Variants in FHIT observed in about 807,000 individuals in gnomAD.
FHIT encodes the protein fragile histidine triad diadenosine triphosphatase, also known as bis(5'-adenosyl)-triphosphatase.
A neutral mutation model predicts 17.9 loss-of-function variants in FHIT; 19 were observed. The observed-to-expected ratio is 1.06, with a 90% CI of 0.74 to 1.56. FHIT has a LOEUF of 1.56. Among genes scored for constraint, FHIT ranks in the 40% most tolerant of loss-of-function variants. The pLI, the probability that FHIT is intolerant of heterozygous loss-of-function variation, is 0.00. For missense variants in FHIT, 248 were observed against 189.2 expected (o/e 1.31, Z -1.82); for synonymous variants, 81 against 69.7 (o/e 1.16, Z -0.81).
intron 4 of FHIT, chr3:60,732,403 A>G: frequency 1.3e-6 from 1 of 764,788 alleles, no homozygotes; most frequent in Non-Finnish European, 2.4e-6. Flanking sequence ...TTCTACCTGT[A>G]GATGGACTTG....
At chr3:59,824,425 G>A (rs915817772) in intron 8 of FHIT, among the ~76,000 whole-genome samples, 3 of 152,202 alleles carry the variant, frequency 2.0e-5, no homozygotes, top group African/African-American at 7.2e-5. Flanking sequence ...CACATGCTAG[G>A]TGTCCAGCAT....
At chr3:61,095,829 G>A (rs2035621435) in intron 2 of FHIT, among the ~76,000 whole-genome samples, 1 of 152,174 alleles carries the variant, frequency 6.6e-6, no homozygotes, top group Non-Finnish European at 1.5e-5. Flanking sequence ...CCTTTCTTCT[G>A]GAAGCAGCCC....
At chr3:60,117,709 A>T (rs1440641451) in intron 5 of FHIT, among the ~76,000 whole-genome samples, 1 of 152,164 alleles carries the variant, frequency 6.6e-6, no homozygotes, top group Admixed American at 6.5e-5. Flanking sequence ...ACGCGCAGAG[A>T]ATGCAGATGA....
chr3:59,848,967 T>C (rs528964699), intron 8 of FHIT, among the ~76,000 whole-genome samples: 23 of 152,348 alleles, frequency 1.5e-4, no homozygotes, highest in Admixed American at 1.4e-3. Context: ...TAAAACAGAA[T>C]AAATCCTGTC....
chr3:60,287,632 T>C (rs1707789107), intron 5 of FHIT, among the ~76,000 whole-genome samples: 1 of 152,206 alleles, frequency 6.6e-6, no homozygotes, highest in African/African-American at 2.4e-5. Flanking sequence ...TTTAAGAATT[T>C]AAGGGGATCA....
chr3:59,952,088 T>C (rs972869656), intron 7 of FHIT, among the ~76,000 whole-genome samples: 1 of 152,200 alleles, frequency 6.6e-6, no homozygotes, highest in Non-Finnish European at 1.5e-5. Flanking sequence ...TCCCACAGCT[T>C]TGACTGAAAG....
intron 3 of FHIT, among the ~76,000 whole-genome samples, chr3:60,924,229 G>T (rs1381466714): frequency 1.3e-5 from 2 of 152,218 alleles, no homozygotes; most frequent in African/African-American, 4.8e-5. Context: ...CCAGCATGCA[G>T]CTTGAGATCT....
intron 5 of FHIT, among the ~76,000 whole-genome samples, chr3:60,280,314 ATAG>A (rs1164827283): frequency 2.0e-5 from 3 of 152,164 alleles, no homozygotes; most frequent in Admixed American, 6.5e-5. Flanking sequence ...TCAGTGTAGT[ATAG>A]TAGGCTGACT....
intron 5 of FHIT, among the ~76,000 whole-genome samples, chr3:60,364,966 A>G (rs1212599089): frequency 6.6e-6 from 1 of 152,028 alleles, no homozygotes; most frequent in African/African-American, 2.4e-5. Flanking sequence ...CAGCTTTCAG[A>G]GAATAGATCA....
intron 1 of FHIT, among the ~76,000 whole-genome samples, chr3:61,207,154 T>C (rs182550514): frequency 9.3e-4 from 142 of 152,330 alleles, no homozygotes; most frequent in African/African-American, 3.2e-3. Flanking sequence ...CAGCCTTGCA[T>C]CCCAGGGATG....
intron 6 of FHIT, among the ~76,000 whole-genome samples, chr3:60,012,146 A>G (rs574688033): frequency 3.3e-5 from 5 of 152,280 alleles, no homozygotes; most frequent in African/African-American, 1.2e-4. Context: ...AGGATTAAGC[A>G]TAACTGTGTA....
At position 60,035,222 on chromosome 3, in the gene FHIT, C is replaced by T. The variant is rs114912387; in HGVS notation, c.104-21070G>A. ...CAGAGGTGAGAAAAGAGAGTCAGAC[C>T]GCCACGTGGGTTTCACAGAATGGCC... On this transcript the variant is annotated intron_variant, in intron 5 of 9. Transcript: ENST00000492590. Among the ~76,000 whole-genome samples the T allele has an allele frequency of 2.3e-3, 346 of 152,172 alleles. 3 individuals carry two copies. Among genetic ancestry groups the T allele is most frequent in the South Asian group, 6.8e-3 (33 of 4,818 alleles).
At chr3:60,564,766 T>C (rs1159018513) in intron 4 of FHIT, among the ~76,000 whole-genome samples, 1 of 152,186 alleles carries the variant, frequency 6.6e-6, no homozygotes, top group Non-Finnish European at 1.5e-5. Flanking sequence ...GAAAGTGATT[T>C]CTTGAGATGA....
At chr3:60,702,690 C>A (rs1553702500) in intron 4 of FHIT, among the ~76,000 whole-genome samples, 3 of 152,094 alleles carry the variant, frequency 2.0e-5, no homozygotes, top group Non-Finnish European at 4.4e-5. Flanking sequence ...AAGAGAGTAT[C>A]ATTTTCTTCG....
chr3:60,451,779 A>C (rs1452942802), intron 5 of FHIT, among the ~76,000 whole-genome samples: 1 of 152,198 alleles, frequency 6.6e-6, no homozygotes, highest in East Asian at 1.9e-4. Flanking sequence ...ATGACCCCAT[A>C]GGTAGCACTG....
intron 5 of FHIT, among the ~76,000 whole-genome samples, chr3:60,252,409 A>T (rs929444090): frequency 1.3e-5 from 2 of 152,032 alleles, no homozygotes; most frequent in African/African-American, 4.8e-5. Flanking sequence ...TAAAAAATTT[A>T]AAAAATTAGC....
At chr3:60,960,912 T>C (rs1481316777) in intron 3 of FHIT, among the ~76,000 whole-genome samples, 1 of 152,254 alleles carries the variant, frequency 6.6e-6, no homozygotes, top group Non-Finnish European at 1.5e-5. Context: ...TGTGTCTTTA[T>C]AGCAGCATGA....
At chr3:60,627,250 A>C (rs966139180) in intron 4 of FHIT, among the ~76,000 whole-genome samples, 5 of 152,206 alleles carry the variant, frequency 3.3e-5, no homozygotes, top group Non-Finnish European at 7.3e-5. Flanking sequence ...TTAATTTTTT[A>C]AATGTTTGGT....
chr3:60,515,592 A>AT (rs1387541965), intron 5 of FHIT, among the ~76,000 whole-genome samples: 1 of 145,754 alleles, frequency 6.9e-6, no homozygotes, highest in South Asian at 2.2e-4. Flanking sequence ...AAAAAAAAAA[A>AT]TGTTCACGGA....
Sources: gnomAD v4.1 joint callset for allele counts (sites outside exome capture counted in the v4.1 genomes callset) on GRCh38, gnomAD v4.1.1 for gene constraint, MANE v1.5 for transcripts, NCBI Gene and HGNC (gene_info 2026-07-23, HGNC 2026-07-21) for gene names.